FILIP1: variants seen among roughly 807,000 people sequenced by gnomAD.
FILIP1 encodes the protein filamin A interacting protein 1.
A neutral mutation model predicts 102.1 loss-of-function variants in FILIP1; 61 were observed. The ratio of observed to expected loss-of-function variants is 0.60; its 90% confidence interval spans 0.49 to 0.74. The LOEUF (loss-of-function observed/expected upper bound fraction) is 0.74, where lower values mean the gene tolerates loss of function less well. Ranked by LOEUF, FILIP1 falls within the 30% of genes least tolerant of loss-of-function variation. FILIP1 has a pLI of 0.00. For missense variants in FILIP1, 1,314 were observed against 1,441.2 expected (o/e 0.91, Z 1.43); for synonymous variants, 491 against 526.9 (o/e 0.93, Z 0.93).
chr6:75,468,822 A>G (rs1351387794), intron 1 of FILIP1, among the ~76,000 whole-genome samples: 1 of 152,120 alleles, frequency 6.6e-6, no homozygotes, highest in Non-Finnish European at 1.5e-5. Flanking sequence ...AATAAAGGAA[A>G]CAAATACTAA....
At chr6:75,435,871 G>C (rs1778001525) in intron 1 of FILIP1, among the ~76,000 whole-genome samples, 1 of 152,142 alleles carries the variant, frequency 6.6e-6, no homozygotes, top group South Asian at 2.1e-4. Flanking sequence ...ACTCATCTCT[G>C]CTTATTTAAT....
intron 1 of FILIP1, among the ~76,000 whole-genome samples, chr6:75,427,486 G>A (rs1242244104): frequency 6.6e-6 from 1 of 151,874 alleles, no homozygotes; most frequent in African/African-American, 2.4e-5. Flanking sequence ...ACTCATATGG[G>A]GCCTGGAGGC....
At chr6:75,322,213 C>T (rs1305604940) in intron 4 of FILIP1, among the ~76,000 whole-genome samples, 1 of 151,450 alleles carries the variant, frequency 6.6e-6, no homozygotes. Context: ...TATTACATCT[C>T]TTTTTTTTTC....
At chr6:75,304,214 A>C, downstream of FILIP1, among the ~76,000 whole-genome samples, 1 of 151,886 alleles carries the variant, frequency 6.6e-6, no homozygotes, top group Non-Finnish European at 1.5e-5. Context: ...TTATTTATTT[A>C]TTTTTATTTA....
chr6:75,311,485 T>A (rs924177817), intron 5 of FILIP1, among the ~76,000 whole-genome samples: 1 of 151,886 alleles, frequency 6.6e-6, no homozygotes, highest in African/African-American at 2.4e-5. Flanking sequence ...GCTAGTTTGT[T>A]TGTTTGTTTG....
At chr6:75,379,108 A>G (rs897448110) in intron 2 of FILIP1, among the ~76,000 whole-genome samples, 5 of 152,234 alleles carry the variant, frequency 3.3e-5, no homozygotes, top group Non-Finnish European at 7.3e-5. Flanking sequence ...TGAATAACTT[A>G]AAATATTACC....
intron 4 of FILIP1, among the ~76,000 whole-genome samples, chr6:75,352,085 T>C (rs928667776): frequency 6.6e-6 from 1 of 152,240 alleles, no homozygotes; most frequent in South Asian, 2.1e-4. Context: ...AATCCAATAA[T>C]AAATAAACAT....
In FILIP1 at chr6:75,414,866, G is replaced by T; in HGVS notation, c.107C>A (p.Ala36Glu). ...NAGEKSLSED[A>E]KKKKKSNRKE... is the part of the protein sequence containing the mutation. Reference sequence around the variant, plus strand: ...CCTATTTGATTTCTTCTTCTTTTTTGCATCTTCTGAGAGACTTTTTTCACC... The same window carrying T: ...CCTATTTGATTTCTTCTTCTTTTTTTCATCTTCTGAGAGACTTTTTTCACC... Residue 36 changes from alanine (A) to glutamate (E), a missense_variant, in exon 2 of 6, where the codon GCA (alanine) becomes GAA (glutamate). Physicochemically the swap from Ala to Glu is moderately radical, Grantham distance 107. This residue lies in a region of FILIP1 where 494 missense variants were observed against 511.2 expected (regional missense o/e 0.97). Coordinates refer to ENST00000237172, the MANE Select transcript of FILIP1 (RefSeq NM_015687.5). 1 of 1,613,696 alleles carries T rather than the reference G, an allele frequency of 6.2e-7. No homozygotes were observed.
intron 1 of FILIP1, among the ~76,000 whole-genome samples, chr6:75,442,832 G>T (rs376700021): frequency 4.5e-4 from 69 of 152,288 alleles, no homozygotes; most frequent in African/African-American, 1.6e-3. Flanking sequence ...ACACATGCAG[G>T]ATCCCCAGTC....
intron 1 of FILIP1, among the ~76,000 whole-genome samples, chr6:75,445,404 C>G (rs925146382): frequency 1.3e-5 from 2 of 152,028 alleles, no homozygotes; most frequent in African/African-American, 4.8e-5. Context: ...TTTCTCAAGG[C>G]CCCTGGAACT....
chr6:75,360,891 A>G (rs1775154162), intron 3 of FILIP1: 1 of 152,204 alleles, frequency 6.6e-6, no homozygotes. Context: ...TGCCTCGTGA[A>G]TTTGGAAGCA....
chr6:75,317,704 C>G (rs1015697685), intron 4 of FILIP1, among the ~76,000 whole-genome samples: 1 of 152,174 alleles, frequency 6.6e-6, no homozygotes, highest in Non-Finnish European at 1.5e-5. Context: ...TTCTGTTTTT[C>G]TAACCCCATT....
chr6:75,372,744 AAGAAAG>A (rs1231655769), intron 2 of FILIP1, among the ~76,000 whole-genome samples: 1 of 57,902 alleles, frequency 1.7e-5, no homozygotes, highest in Non-Finnish European at 3.5e-5. Flanking sequence ...GAAAGAAAGA[AAGAAAG>A]AAAGAAAGAA....
chr6:75,308,351 G>T lies in FILIP1; in HGVS notation c.*340C>A. On this transcript the variant is annotated 3_prime_UTR_variant, in exon 6 of 6. Transcript: ENST00000237172. The stretch of plus-strand genomic sequence containing the variant: ...ATTTGGCTTGCAATTAGGAAATATG[G>T]GAGCCGGACTTGAAGAGCGTGTGAT... 1 of 1,022,372 alleles carries T rather than the reference G, an allele frequency of 9.8e-7. No individual in the cohort carries two copies. The highest frequency in any genetic ancestry group is 1.2e-6 in the Non-Finnish European group (1 of 851,058). 63.3% of individuals were successfully genotyped at this position (1,022,372 alleles called of 1,614,324 possible).
chr6:75,417,542 T>C (rs1321644901), intron 1 of FILIP1, among the ~76,000 whole-genome samples: 1 of 152,222 alleles, frequency 6.6e-6, no homozygotes, highest in African/African-American at 2.4e-5. Context: ...TGGACTTGCA[T>C]GTGTCACATT....
intron 4 of FILIP1, among the ~76,000 whole-genome samples, chr6:75,351,140 C>T (rs1774787754): frequency 6.6e-6 from 1 of 152,184 alleles, no homozygotes. Flanking sequence ...GATCTTGGCT[C>T]ACTGCAACCT....
Position 75,489,889 on chromosome 6 carries a change from C to T in FILIP1, c.-7+3525G>A, listed in dbSNP as rs1308997246. Among the ~76,000 whole-genome samples the T allele has an allele frequency of 2.0e-5, 3 of 151,918 alleles. No individual in the cohort carries two copies. The South Asian group carries it at 6.2e-4, about 32-fold the overall frequency. On this transcript the variant is annotated intron_variant, in intron 1 of 5. Coordinates refer to ENST00000237172, the MANE Select transcript of FILIP1 (RefSeq NM_015687.5). ...ATGTCATTTTTCTAATAAATTGTTACCAATCTTTTTTCTCTTAAACCTTTC... is the reference window on the plus strand; with the variant it reads ...ATGTCATTTTTCTAATAAATTGTTATCAATCTTTTTTCTCTTAAACCTTTC...
At chr6:75,382,576 C>G (rs773318434) in intron 2 of FILIP1, among the ~76,000 whole-genome samples, 1 of 152,148 alleles carries the variant, frequency 6.6e-6, no homozygotes, top group Non-Finnish European at 1.5e-5. Context: ...GTTAAAGAGA[C>G]AGGGTACCAT....
At position 75,487,720 on chromosome 6, in the gene FILIP1, T is replaced by C. The variant is rs536406094; in HGVS notation, c.-7+5694A>G. On this transcript the variant is annotated intron_variant, in intron 1 of 5. Transcript: ENST00000237172. ...CCAATTATTTTTTAAAGAATGCATT[T>C]GGCCAACTCTGATGTGTCCGTTTCA... Among the ~76,000 whole-genome samples the C allele has an allele frequency of 8.5e-5, 13 of 152,258 alleles. No individual in the cohort carries two copies. The East Asian group carries it at 1.9e-3, about 23-fold the overall frequency.
Sources: gnomAD v4.1 joint callset for allele counts (sites outside exome capture counted in the v4.1 genomes callset) on GRCh38, gnomAD v4.1.1 for gene constraint, gnomAD v4.1.1 regional missense constraint, MANE v1.5 for transcripts, NCBI Gene and HGNC (gene_info 2026-07-23, HGNC 2026-07-21) for gene names.